ROS1: variants seen among roughly 807,000 people sequenced by gnomAD.
The protein encoded by ROS1 is ROS proto-oncogene 1, receptor tyrosine kinase, also known as proto-oncogene tyrosine-protein kinase ROS.
A neutral mutation model predicts 273.5 loss-of-function variants in ROS1; 263 were observed. The observed-to-expected ratio is 0.96, with a 90% CI of 0.87 to 1.06. The LOEUF is 1.06. Among genes scored for constraint, ROS1 ranks in the 50% least tolerant of loss-of-function variants. The pLI is 0.00. For synonymous variants in ROS1, 1,008 were observed against 954.1 expected (o/e 1.06, Z -1.04); for missense variants, 2,833 against 2,751.1 (o/e 1.03, Z -0.67).
At chr6:117,389,289 A>T (rs906797457) in intron 13 of ROS1, 61 bp downstream of exon 13, 24 of 1,518,272 alleles carry the variant, frequency 1.6e-5, no homozygotes, top group Non-Finnish European at 1.9e-5. Context: ...AACGCCAAGC[A>T]GTTCAAACCT....
At chr6:117,375,121 G>T (rs1358342321) in intron 18 of ROS1, among the ~76,000 whole-genome samples, 2 of 152,162 alleles carry the variant, frequency 1.3e-5, no homozygotes, top group African/African-American at 2.4e-5. Context: ...CCATAAAAAA[G>T]AACAAAATAA....
In ROS1 at chr6:117,414,561, A is replaced by G. The variant is rs1053397936; in HGVS notation, c.229-16T>C. ...AAGTATCATTCTGCATAGAAAAAAA[A>G]AAAGACTACTTAAAATCTTGAAAGT... On this transcript the variant is annotated splice_polypyrimidine_tract_variant and intron_variant, in intron 3 of 43. Transcript: ENST00000368507. 7 of 724,102 alleles carry G rather than the reference A, an allele frequency of 9.7e-6. No individual in the cohort carries two copies. Among genetic ancestry groups the G allele is most frequent in the African/African-American group, 3.6e-5 (2 of 55,306 alleles). 44.9% of individuals were successfully genotyped at this position (724,102 alleles called of 1,614,324 possible).
intron 33 of ROS1, chr6:117,328,490 G>C (rs370442364): frequency 5.7e-5 from 19 of 335,592 alleles, no homozygotes; most frequent in African/African-American, 3.7e-4. Flanking sequence ...GTTTCAATTA[G>C]AAATAAGGGC....
In ROS1 at chr6:117,304,134, T is replaced by A. The variant is rs185936625; in HGVS notation, c.6552-2997A>T. Among the ~76,000 whole-genome samples, 4 of 152,318 alleles carry A rather than the reference T, an allele frequency of 2.6e-5. No homozygotes were observed. The East Asian group carries it at 7.7e-4, about 29-fold the overall frequency. On this transcript the variant is annotated intron_variant, in intron 42 of 43. Coordinates refer to ENST00000368507, the MANE Select transcript of ROS1 (RefSeq NM_001378902.1). ...ATACAGTGCCAAGCTTGGCTCTATT[T>A]TTTAAAATTAGAATCATATCTGAGA...
chr6:117,299,650 C>T (rs35166379), intron 43 of ROS1: 1 of 152,206 alleles, frequency 6.6e-6, no homozygotes, highest in Admixed American at 6.5e-5. Context: ...CTGCGAGATT[C>T]TAAGTTGCGA....
intron 7 of ROS1, 130 bp downstream of exon 7, chr6:117,403,009 T>G (rs1373640250): frequency 1.0e-6 from 1 of 957,656 alleles, no homozygotes; most frequent in African/African-American, 1.6e-5. Flanking sequence ...TGGCACATAG[T>G]TATGTACCCA....
At chr6:117,370,403 A>G (rs570418502) in intron 18 of ROS1, among the ~76,000 whole-genome samples, 1 of 152,240 alleles carries the variant, frequency 6.6e-6, no homozygotes, top group African/African-American at 2.4e-5. Context: ...TAACAATGTG[A>G]TATTAGGAAA....
In ROS1 at chr6:117,362,724, T is replaced by C. The variant is rs1357481298; in HGVS notation, c.3245A>G (p.Asn1082Ser). Residue 1082 changes from asparagine (N) to serine (S), a missense_variant, in exon 22 of 44, where the codon AAT becomes AGT. Physicochemically the swap from Asn to Ser is conservative, Grantham distance 46. Coordinates refer to ENST00000368507, the MANE Select transcript of ROS1 (RefSeq NM_001378902.1). ...GTTTGTAATACTTTGATTGGATATA[T>C]TGTAGAAAATTTCAAATTTTGTTAA... ...GVLTKFEIFY[N>S]ISNQSITNKT... 2 of 1,613,808 alleles carry C rather than the reference T, an allele frequency of 1.2e-6. No individual in the cohort carries two copies. Among genetic ancestry groups the C allele is most frequent in the Admixed American group, 1.7e-5 (1 of 60,000 alleles).
At chr6:117,296,892 T>C (rs1268281996) in intron 43 of ROS1, among the ~76,000 whole-genome samples, 1 of 152,174 alleles carries the variant, frequency 6.6e-6, no homozygotes, top group Non-Finnish European at 1.5e-5. Context: ...TACATGCCTG[T>C]ATCAAAACAT....
At chr6:117,403,033 T>C in intron 7 of ROS1, 106 bp downstream of exon 7, 1 of 1,281,904 alleles carries the variant, frequency 7.8e-7, no homozygotes, top group Admixed American at 1.8e-5. Context: ...GTTGAATGGA[T>C]CGATTAATAG....
At chr6:117,295,150 A>AAAGAACAGAATAAAGAACAC (rs1174574994) in intron 43 of ROS1, among the ~76,000 whole-genome samples, 1 of 152,186 alleles carries the variant, frequency 6.6e-6, no homozygotes, top group Admixed American at 6.5e-5. Flanking sequence ...AATACATAAA[A>AAAGAACAGAATAAAGAACAC]AAGAACAGAA....
intron 14 of ROS1, 23 bp from the exon 15 acceptor site, chr6:117,387,022 A>G (rs1483010256): frequency 1.4e-6 from 2 of 1,399,832 alleles, no homozygotes; most frequent in African/African-American, 2.9e-5. Flanking sequence ...AAAGAAATTA[A>G]AAGAAACATC....
intron 17 of ROS1, 106 bp from the exon 18 acceptor site, chr6:117,379,265 G>T (rs1186355422): frequency 1.6e-6 from 1 of 642,748 alleles, no homozygotes; most frequent in South Asian, 2.0e-5. Context: ...ATCCTCTTTG[G>T]AATAATAAAT....
chr6:117,334,531 T>TCAA (rs1172823607), intron 32 of ROS1, among the ~76,000 whole-genome samples: 2 of 152,220 alleles, frequency 1.3e-5, no homozygotes, highest in Non-Finnish European at 2.9e-5. Context: ...AGACCCCATG[T>TCAA]AGCCAAGACA....
chr6:117,368,006 G>A (rs1780414292), intron 18 of ROS1, among the ~76,000 whole-genome samples: 1 of 152,110 alleles, frequency 6.6e-6, no homozygotes, highest in Non-Finnish European at 1.5e-5. Flanking sequence ...ATCCTAGCCT[G>A]CTGGGTCCTT....
At chr6:117,409,687 G>A (rs770752160) in intron 4 of ROS1, 45 bp from the exon 5 acceptor site, 3 of 1,492,776 alleles carry the variant, frequency 2.0e-6, no homozygotes, top group African/African-American at 1.4e-5. Flanking sequence ...CCTTGATACT[G>A]GTTTTGCTGA....
chr6:117,356,700 G>T lies in ROS1; in HGVS notation c.4055C>A (p.Ala1352Glu). 6.2e-7 allele frequency: 1 copy of T among 1,614,146 alleles called. No individual in the cohort carries two copies. The highest frequency in any genetic ancestry group is 8.5e-7 in the Non-Finnish European group (1 of 1,180,008). Residue 1352 changes from alanine to glutamate, a missense_variant, in exon 26 of 44, where the codon GCA becomes GAA. By Grantham distance (107) the Ala-to-Glu change is moderately radical. Transcript: ENST00000368507. ...LEKPLIYFAK[A>E]QEIWAMDLEG... ...CAGATCCATTGCCCAGATCTCTTGT[G>T]CTTTGGCAAAGTATATCAATGGTTT...
At chr6:117,390,439 T>C (rs955788629) in intron 12 of ROS1, among the ~76,000 whole-genome samples, 9 of 152,174 alleles carry the variant, frequency 5.9e-5, no homozygotes, top group Non-Finnish European at 5.9e-5. Context: ...GAAGGGTCTT[T>C]CAAAATTTTA....
chr6:117,360,299 C>CACAG (rs58588396), intron 23 of ROS1, 43 bp downstream of exon 23: 147 of 1,455,396 alleles, frequency 1.0e-4, no homozygotes, highest in Non-Finnish European at 1.3e-4. Flanking sequence ...CACACACACA[C>CACAG]GCCTCTAAAT....
Sources: allele counts gnomAD v4.1 joint callset (sites outside exome capture counted in the v4.1 genomes callset), GRCh38; gene constraint gnomAD v4.1.1; transcripts MANE v1.5; gene names NCBI Gene and HGNC (gene_info 2026-07-23, HGNC 2026-07-21).